The following PHLDB2 variants were observed in gnomAD, a reference collection of about 807,000 sequenced individuals.
The protein encoded by PHLDB2 is pleckstrin homology-like domain family B member 2.
PHLDB2 carries 71 observed loss-of-function variants against 123.6 expected under a neutral mutation model. The observed-to-expected ratio is 0.57, with a 90% CI of 0.47 to 0.70. PHLDB2 has a LOEUF of 0.70. PHLDB2 is among the 30% of genes least tolerant of loss of function. PHLDB2 has a pLI of 0.00. For missense variants in PHLDB2, 1,446 were observed against 1,519.5 expected, an observed-to-expected ratio of 0.95 and a Z score of 0.80; for synonymous variants, 547 against 541.6, an observed-to-expected ratio of 1.01 and a Z score of -0.14.
At position 111,971,959 on chromosome 3, in the gene PHLDB2, C is replaced by T. The variant is rs1211556109; in HGVS notation, c.3536-1773C>T. ...ATTGATGGCATAATACTGAGAGAGA[C>T]AGAATGTGCAGCGTTATCTCATCAA... On this transcript the variant is annotated intron_variant, in intron 16 of 17. Coordinates refer to ENST00000431670, the MANE Select transcript of PHLDB2 (RefSeq NM_001134438.2). 2.0e-5 allele frequency among the ~76,000 whole-genome samples: 3 copies of T among 152,170 alleles called. No homozygotes were observed. In the South Asian group the frequency reaches 6.2e-4, roughly 32 times the overall value.
At chr3:111,856,449 A>G (rs1417369700), upstream of PHLDB2, among the ~76,000 whole-genome samples, 1 of 152,234 alleles carries the variant, frequency 6.6e-6, no homozygotes, top group East Asian at 1.9e-4. Flanking sequence ...AACAAACAGT[A>G]ACTCTCACCG....
chr3:111,943,155 A>G (rs1154264), intron 8 of PHLDB2, among the ~76,000 whole-genome samples: 77,101 of 152,024 alleles, frequency 0.51, 20,331 homozygotes, highest in East Asian at 0.74. Flanking sequence ...CTCTGGAGCC[A>G]TTTAAGGCAG....
chr3:111,910,026 T>G (rs962245856), intron 2 of PHLDB2, among the ~76,000 whole-genome samples: 1 of 152,136 alleles, frequency 6.6e-6, no homozygotes, highest in African/African-American at 2.4e-5. Context: ...AGGAGATGGA[T>G]GTACCCTCTC....
At chr3:111,808,930 A>T (rs190824142) in intron 1 of PHLDB2, among the ~76,000 whole-genome samples, 94 of 152,300 alleles carry the variant, frequency 6.2e-4, no homozygotes, top group Non-Finnish European at 9.9e-4. Flanking sequence ...AATTCCTAAA[A>T]TAAGGGTTTA....
intron 1 of PHLDB2, among the ~76,000 whole-genome samples, chr3:111,737,513 C>T (rs1043847205): frequency 3.3e-5 from 5 of 152,072 alleles, no homozygotes; most frequent in African/African-American, 1.2e-4. Flanking sequence ...CCCATGAGAG[C>T]AGTAAAGGAA....
At chr3:111,953,860 G>T in intron 11 of PHLDB2, 70 bp from the exon 12 acceptor site, 2 of 1,180,190 alleles carry the variant, frequency 1.7e-6, no homozygotes, top group Non-Finnish European at 2.5e-6. Flanking sequence ...TGGAAACAGG[G>T]ATGTGGCCAT....
intron 6 of PHLDB2, among the ~76,000 whole-genome samples, chr3:111,935,093 A>ATTTTTT (rs34291565): frequency 8.0e-5 from 6 of 75,166 alleles, no homozygotes; most frequent in African/African-American, 2.5e-4. Context: ...TGGTATCTTG[A>ATTTTTT]TTTTTTTTTT....
At position 111,899,504 on chromosome 3, in the gene PHLDB2, C is replaced by G. The variant is rs1282938; in HGVS notation, c.1336-13815C>G. 2.0e-5 allele frequency among the ~76,000 whole-genome samples: 3 copies of G among 152,136 alleles called. No homozygotes were observed. In the South Asian group the frequency reaches 6.2e-4, roughly 32 times the overall value. Reference sequence around the variant, plus strand: ...AGATCTGAACAGTGGGCTTAAAATACTCAGTAAACCATGGTAGAAACAGAT... The same window carrying G: ...AGATCTGAACAGTGGGCTTAAAATAGTCAGTAAACCATGGTAGAAACAGAT... On this transcript the variant is annotated intron_variant, in intron 2 of 17. Coordinates refer to ENST00000431670, the MANE Select transcript of PHLDB2 (RefSeq NM_001134438.2).
Position 111,913,504 on chromosome 3 carries a change from G to T in PHLDB2, c.1521G>T (p.Arg507Ser). The change falls in exon 3 of 18, where the codon AGG (arginine) becomes AGT (serine). Residue 507 changes from arginine (R) to serine (S), a missense_variant. Physicochemically the swap from Arg to Ser is moderately radical, Grantham distance 110. Coordinates refer to ENST00000431670, the MANE Select transcript of PHLDB2 (RefSeq NM_001134438.2). ...TCATGAGCCCTGACACAAGATACAG[G>T]TGCCACCGGAAAGACTCCCTCCCTG... Reference protein sequence around the residue: ...EALMSPDTRYRCHRKDSLPDA... With the variant: ...EALMSPDTRYSCHRKDSLPDA... The T allele has an allele frequency of 2.5e-6, 4 of 1,614,108 alleles. No individual in the cohort carries two copies. Among genetic ancestry groups the T allele is most frequent in the Non-Finnish European group, 3.4e-6 (4 of 1,180,016 alleles).
At chr3:111,857,402 G>C (rs1402850375), upstream of PHLDB2, among the ~76,000 whole-genome samples, 1 of 148,058 alleles carries the variant, frequency 6.8e-6, no homozygotes, top group African/African-American at 2.5e-5. Context: ...AGTGAGCTAT[G>C]ACTGTGCCAT....
Position 111,951,217 on chromosome 3 carries a change from T to C in PHLDB2, c.2632-1355T>C, listed in dbSNP as rs145275840. Among the ~76,000 whole-genome samples the C allele has an allele frequency of 2.1e-3, 326 of 152,308 alleles. 1 individual carries two copies. The highest frequency in any genetic ancestry group is 7.0e-3 in the African/African-American group (293 of 41,568). On this transcript the variant is annotated intron_variant, in intron 10 of 17. Coordinates refer to ENST00000431670, the MANE Select transcript of PHLDB2 (RefSeq NM_001134438.2). ...CATCTTAGTATGGACTACCTGGCCA[T>C]GAATTCTAGCTCTGCCGCTGTCCAG...
At position 111,973,828 on chromosome 3, in the gene PHLDB2, G is replaced by A; in HGVS notation, c.3621+11G>A. ...AAGAATGCTAATAAGGTAAACATCA[G>A]TTTTCTAAATTCCTACAATTTGAAT... On this transcript the variant is annotated intron_variant, in intron 17 of 17. Coordinates refer to ENST00000431670, the MANE Select transcript of PHLDB2 (RefSeq NM_001134438.2). The A allele has an allele frequency of 6.6e-7, 1 of 1,510,150 alleles. No homozygotes were observed. Among genetic ancestry groups the A allele is most frequent in the South Asian group, 1.2e-5 (1 of 83,184 alleles). The allele number at this position is 1,510,150 out of a possible 1,614,324, so 93.5% of individuals were successfully genotyped here.
At chr3:111,935,093 A>ATT (rs34291565) in intron 6 of PHLDB2, among the ~76,000 whole-genome samples, 1,230 of 75,204 alleles carry the variant, frequency 0.016, 36 homozygotes, top group Non-Finnish European at 0.024. Flanking sequence ...TGGTATCTTG[A>ATT]TTTTTTTTTT....
At chr3:111,783,432 A>T (rs757751426) in intron 1 of PHLDB2, among the ~76,000 whole-genome samples, 2 of 152,122 alleles carry the variant, frequency 1.3e-5, no homozygotes, top group Non-Finnish European at 2.9e-5. Flanking sequence ...GGCTTGGAGA[A>T]AAAAATAAAA....
At chr3:111,948,878 G>T (rs995700922) in intron 9 of PHLDB2, 54 bp from the exon 10 acceptor site, 31 of 1,570,602 alleles carry the variant, frequency 2.0e-5, no homozygotes, top group Middle Eastern at 1.7e-4. Context: ...TAATACTCTC[G>T]CATGCCTCAG....
chr3:111,886,978 C>T (rs764519145), intron 2 of PHLDB2, among the ~76,000 whole-genome samples: 14 of 152,182 alleles, frequency 9.2e-5, no homozygotes, highest in African/African-American at 1.7e-4. Flanking sequence ...AACTTCTATC[C>T]GATAACTTAT....
chr3:111,873,613 G>A (rs1485459722), intron 1 of PHLDB2, among the ~76,000 whole-genome samples: 4 of 152,100 alleles, frequency 2.6e-5, no homozygotes, highest in African/African-American at 9.7e-5. Flanking sequence ...TAAGTGCTTA[G>A]CTTTTTATTC....
chr3:111,806,205 TG>T (rs979749472), intron 1 of PHLDB2, among the ~76,000 whole-genome samples: 2 of 152,184 alleles, frequency 1.3e-5, no homozygotes, highest in African/African-American at 4.8e-5. Flanking sequence ...ATTCTCCCAT[TG>T]TAAGTGTACA....
rs1334213933 is a variant in PHLDB2, at chr3:111,951,752, T to G, written c.2632-820T>G. On this transcript the variant is annotated intron_variant, in intron 10 of 17. Transcript: ENST00000431670. ...AATTTTTTTGAGCTCATTTTTGTGT[T>G]TTTTCTTTCTTTTTTTATTTTCATA... 4.6e-5 allele frequency among the ~76,000 whole-genome samples: 7 copies of G among 152,170 alleles called. No individual in the cohort carries two copies. The South Asian group carries it at 1.2e-3, about 27-fold the overall frequency.
Sources: gnomAD v4.1 joint callset for allele counts (sites outside exome capture counted in the v4.1 genomes callset) on GRCh38, gnomAD v4.1.1 for gene constraint, MANE v1.5 for transcripts, NCBI Gene and HGNC (gene_info 2026-07-23, HGNC 2026-07-21) for gene names.